The following MAD1L1 variants were observed in gnomAD, a reference collection of about 807,000 sequenced individuals.
MAD1L1 encodes mitotic arrest deficient 1 like 1, also known as mitotic spindle assembly checkpoint protein MAD1.
MAD1L1 carries 95 observed loss-of-function variants against 96.9 expected under a neutral mutation model. That is an observed-to-expected ratio of 0.98 (90% CI 0.83 to 1.16). MAD1L1 has a LOEUF of 1.16. Ranked by LOEUF, MAD1L1 falls within the 50% of genes most tolerant of loss-of-function variation. The pLI is 0.00. For missense variants in MAD1L1, 1,007 were observed against 954.4 expected (o/e 1.06, Z -0.73); for synonymous variants, 473 against 396.6 (o/e 1.19, Z -2.29).
At chr7:1,996,108 G>A (rs111638957) in intron 14 of MAD1L1, among the ~76,000 whole-genome samples, 2,087 of 151,400 alleles carry the variant, frequency 0.014, 33 homozygotes, top group African/African-American at 0.042. Context: ...CACGCCTCCC[G>A]TGTGTGCCGG....
At chr7:1,854,273 G>C (rs185484105) in intron 18 of MAD1L1, 1 of 405,666 alleles carries the variant, frequency 2.5e-6, no homozygotes, top group Non-Finnish European at 4.9e-6. Context: ...GCTGGGGCTG[G>C]GAGTGGCTGA....
intron 15 of MAD1L1, among the ~76,000 whole-genome samples, chr7:1,973,082 G>T (rs1220926672): frequency 6.6e-6 from 1 of 152,190 alleles, no homozygotes; most frequent in African/African-American, 2.4e-5. Flanking sequence ...GTGATCTGTT[G>T]TGACTGTCCC....
intron 18 of MAD1L1, among the ~76,000 whole-genome samples, chr7:1,870,940 ATG>A (rs1785045683): frequency 3.4e-5 from 5 of 146,126 alleles, no homozygotes; most frequent in African/African-American, 7.7e-5. Flanking sequence ...TACGCCTGCC[ATG>A]CTGAACCCAC....
At chr7:2,038,935 C>G (rs1267314915) in intron 12 of MAD1L1, among the ~76,000 whole-genome samples, 4 of 152,214 alleles carry the variant, frequency 2.6e-5, no homozygotes, top group African/African-American at 9.6e-5. Flanking sequence ...AACTACAGCA[C>G]AGTATCACAA....
rs186134782 is a variant in MAD1L1, at chr7:2,034,347, G to C, written c.1219-19705C>G. Among the ~76,000 whole-genome samples, 822 of 151,894 alleles carry C rather than the reference G, an allele frequency of 5.4e-3. 11 individuals are homozygous for C. Among genetic ancestry groups the C allele is most frequent in the African/African-American group, 0.019 (767 of 41,374 alleles). On this transcript the variant is annotated intron_variant, in intron 12 of 18. Coordinates refer to ENST00000265854, the MANE Select transcript of MAD1L1 (RefSeq NM_001013836.2). Reference sequence around the variant, plus strand: ...TTCTCCTGCCTCAGCCTCCTGAGTAGGTGGGACTACAGGCACACACCACCA... The same window carrying C: ...TTCTCCTGCCTCAGCCTCCTGAGTACGTGGGACTACAGGCACACACCACCA...
intron 11 of MAD1L1, among the ~76,000 whole-genome samples, chr7:2,084,825 G>A (rs1020660487): frequency 4.6e-5 from 7 of 152,204 alleles, no homozygotes; most frequent in Admixed American, 1.3e-4. Context: ...GGCCAAGCAC[G>A]GGGGCAGGAG....
chr7:1,984,225 T>C (rs1781048368), intron 14 of MAD1L1, among the ~76,000 whole-genome samples: 1 of 152,212 alleles, frequency 6.6e-6, no homozygotes, highest in Non-Finnish European at 1.5e-5. Context: ...AAATTCCAAG[T>C]GTTAGGAGCT....
intron 15 of MAD1L1, among the ~76,000 whole-genome samples, chr7:1,976,734 G>A (rs1780660654): frequency 6.6e-6 from 1 of 152,212 alleles, no homozygotes; most frequent in Non-Finnish European, 1.5e-5. Flanking sequence ...GTGCTGACTG[G>A]TGCGTTTACA....
chr7:2,190,724 G>A (rs1584511638), intron 10 of MAD1L1, among the ~76,000 whole-genome samples: 1 of 152,206 alleles, frequency 6.6e-6, no homozygotes, highest in Non-Finnish European at 1.5e-5. Flanking sequence ...TTAGTCACCA[G>A]GGCAACAGGA....
At chr7:1,965,249 C>T (rs1780113786) in intron 15 of MAD1L1, among the ~76,000 whole-genome samples, 1 of 152,238 alleles carries the variant, frequency 6.6e-6, no homozygotes, top group Non-Finnish European at 1.5e-5. Context: ...TAACCCAACA[C>T]TCGCTGCGTG....
intron 16 of MAD1L1, among the ~76,000 whole-genome samples, chr7:1,956,338 C>T (rs1313790208): frequency 3.9e-5 from 6 of 152,182 alleles, no homozygotes; most frequent in African/African-American, 1.4e-4. Flanking sequence ...CCAGTGGCCT[C>T]CCCGCTTCAC....
At chr7:2,168,410 G>A (rs768477017) in intron 10 of MAD1L1, among the ~76,000 whole-genome samples, 2 of 152,242 alleles carry the variant, frequency 1.3e-5, no homozygotes, top group Non-Finnish European at 1.5e-5. Flanking sequence ...CATCATTAGC[G>A]AGATGTTCTT....
At chr7:2,076,381 TG>T (rs1785375253) in intron 11 of MAD1L1, among the ~76,000 whole-genome samples, 1 of 152,206 alleles carries the variant, frequency 6.6e-6, no homozygotes, top group Non-Finnish European at 1.5e-5. Context: ...CCCTCTGCCC[TG>T]TGAGGACAGG....
chr7:2,101,988 CA>C (rs1190473466), intron 11 of MAD1L1, among the ~76,000 whole-genome samples: 1 of 152,120 alleles, frequency 6.6e-6, no homozygotes, highest in African/African-American at 2.4e-5. Context: ...TGGGAGTGGG[CA>C]GATCACACAG....
chr7:1,984,137 T>TG (rs1240892651), intron 14 of MAD1L1, among the ~76,000 whole-genome samples: 1 of 152,262 alleles, frequency 6.6e-6, no homozygotes, highest in East Asian at 1.9e-4. Context: ...CTACATCTTA[T>TG]GCACTTTTGA....
intron 16 of MAD1L1, among the ~76,000 whole-genome samples, chr7:1,943,935 A>G (rs769541362): frequency 2.6e-5 from 4 of 152,076 alleles, no homozygotes; most frequent in Non-Finnish European, 5.9e-5. Context: ...GACTGGATAT[A>G]TAAGATGCGG....
intron 13 of MAD1L1, among the ~76,000 whole-genome samples, chr7:2,011,282 C>A (rs769582357): frequency 3.9e-5 from 6 of 152,190 alleles, no homozygotes; most frequent in African/African-American, 1.4e-4. Flanking sequence ...GCCCCAGGGG[C>A]TCCCTGTGCA....
chr7:2,031,912 A>G (rs1355339109), intron 12 of MAD1L1, among the ~76,000 whole-genome samples: 1 of 152,262 alleles, frequency 6.6e-6, no homozygotes, highest in Non-Finnish European at 1.5e-5. Flanking sequence ...CAGCCTGAGC[A>G]GTCAGACGGG....
At chr7:2,124,825 T>C (rs998449020) in intron 11 of MAD1L1, among the ~76,000 whole-genome samples, 8 of 152,090 alleles carry the variant, frequency 5.3e-5, no homozygotes, top group Admixed American at 4.6e-4. Context: ...TGACATCACA[T>C]ACAACAGAGG....
Sources: allele counts gnomAD v4.1 joint callset (sites outside exome capture counted in the v4.1 genomes callset), GRCh38; gene constraint gnomAD v4.1.1; transcripts MANE v1.5; gene names NCBI Gene and HGNC (gene_info 2026-07-23, HGNC 2026-07-21).